The following GRM7 variants were observed in gnomAD, a reference collection of about 807,000 sequenced individuals.
The protein encoded by GRM7 is metabotropic glutamate receptor 7.
A neutral mutation model predicts 84.5 loss-of-function variants in GRM7; 35 were observed. That is an observed-to-expected ratio of 0.41 (90% CI 0.32 to 0.55). GRM7 has a LOEUF of 0.55. Among genes scored for constraint, GRM7 ranks in the 20% least tolerant of loss-of-function variants. The pLI, the probability that GRM7 is intolerant of heterozygous loss-of-function variation, is 0.19. For synonymous variants in GRM7, 487 were observed against 455.1 expected (o/e 1.07, Z -0.89); for missense variants, 1,003 against 1,194.6 (o/e 0.84, Z 2.36).
chr3:6,945,794 T>A (rs1218825643), intron 1 of GRM7, among the ~76,000 whole-genome samples: 1 of 152,340 alleles, frequency 6.6e-6, no homozygotes, highest in East Asian at 1.9e-4. Flanking sequence ...GGTTTTGATT[T>A]GCATTTCTCT....
intron 4 of GRM7, among the ~76,000 whole-genome samples, chr3:7,358,811 A>T (rs1470637247): frequency 6.6e-6 from 1 of 152,066 alleles, no homozygotes; most frequent in East Asian, 1.9e-4. Context: ...GTGTGTAAGT[A>T]TTTTATAAAC....
intron 1 of GRM7, among the ~76,000 whole-genome samples, chr3:7,135,691 A>T (rs1202620668): frequency 2.0e-5 from 3 of 152,146 alleles, no homozygotes; most frequent in Admixed American, 6.6e-5. Flanking sequence ...TATAATATAA[A>T]AAAATATACT....
intron 1 of GRM7, among the ~76,000 whole-genome samples, chr3:7,063,223 G>A (rs529051997): frequency 7.0e-4 from 106 of 151,774 alleles, no homozygotes; most frequent in African/African-American, 2.4e-3. Context: ...ATACCACATC[G>A]CCAATCCAAA....
chr3:7,434,346 T>C (rs973327198), intron 5 of GRM7, among the ~76,000 whole-genome samples: 1 of 152,208 alleles, frequency 6.6e-6, no homozygotes, highest in Non-Finnish European at 1.5e-5. Context: ...GAAGTAATAA[T>C]GGGAGTACCT....
intron 1 of GRM7, among the ~76,000 whole-genome samples, chr3:7,042,828 A>G (rs1696678005): frequency 6.6e-6 from 1 of 151,926 alleles, no homozygotes; most frequent in South Asian, 2.1e-4. Context: ...GTCATTTTTT[A>G]TGTCTGATAA....
At chr3:7,159,535 T>G (rs2125077299) in intron 2 of GRM7, among the ~76,000 whole-genome samples, 1 of 152,324 alleles carries the variant, frequency 6.6e-6, no homozygotes, top group East Asian at 1.9e-4. Flanking sequence ...TACCTGTTAT[T>G]CCTGCTTCCC....
chr3:7,162,363 G>A (rs547638800), intron 2 of GRM7, among the ~76,000 whole-genome samples: 3 of 152,106 alleles, frequency 2.0e-5, no homozygotes, highest in South Asian at 2.1e-4. Flanking sequence ...GCCTGAAGAC[G>A]TAGAAAGAAA....
chr3:7,027,998 A>G (rs771617049), intron 1 of GRM7, among the ~76,000 whole-genome samples: 2 of 152,158 alleles, frequency 1.3e-5, no homozygotes, highest in Non-Finnish European at 1.5e-5. Context: ...TAATGTAATG[A>G]CTGATAGTAA....
chr3:7,064,495 T>TAC, intron 1 of GRM7, among the ~76,000 whole-genome samples: 1 of 103,440 alleles, frequency 9.7e-6, no homozygotes, highest in Non-Finnish European at 1.9e-5. Context: ...CATATACATA[T>TAC]ATATATACAC....
At chr3:7,633,478 G>A (rs150328227) in intron 8 of GRM7, among the ~76,000 whole-genome samples, 4 of 152,198 alleles carry the variant, frequency 2.6e-5, no homozygotes, top group South Asian at 4.2e-4. Context: ...AAATAGGAGC[G>A]AGACGAACAA....
chr3:7,048,751 G>A (rs1171966419), intron 1 of GRM7, among the ~76,000 whole-genome samples: 1 of 151,908 alleles, frequency 6.6e-6, no homozygotes, highest in Non-Finnish European at 1.5e-5. Context: ...CTTAAAGTCT[G>A]TCTTGGCAAT....
intron 3 of GRM7, among the ~76,000 whole-genome samples, chr3:7,299,984 A>T (rs1224259344): frequency 3.3e-5 from 5 of 151,426 alleles, no homozygotes; most frequent in Admixed American, 2.6e-4. Flanking sequence ...ATGCAAATAT[A>T]CTTTTTATAT....
At chr3:7,490,248 A>G (rs958818185) in intron 7 of GRM7, among the ~76,000 whole-genome samples, 1 of 152,146 alleles carries the variant, frequency 6.6e-6, no homozygotes, top group Admixed American at 6.6e-5. Flanking sequence ...TTGGGGTAAC[A>G]TAGCCATCTG....
chr3:7,620,500 G>A (rs368823759), intron 8 of GRM7, among the ~76,000 whole-genome samples: 1 of 152,216 alleles, frequency 6.6e-6, no homozygotes, highest in East Asian at 1.9e-4. Flanking sequence ...GCTACACTGA[G>A]GAGAGTGAAA....
chr3:7,186,071 A>G (rs1695502971), intron 2 of GRM7, among the ~76,000 whole-genome samples: 1 of 152,212 alleles, frequency 6.6e-6, no homozygotes, highest in Non-Finnish European at 1.5e-5. Context: ...GCTGCTTAGC[A>G]TAGATATGTC....
At chr3:7,340,102 C>T (rs893524286) in intron 4 of GRM7, among the ~76,000 whole-genome samples, 2 of 152,054 alleles carry the variant, frequency 1.3e-5, no homozygotes, top group African/African-American at 2.4e-5. Context: ...ACATCACAGT[C>T]ACTAGGATAG....
At chr3:7,396,512 G>A (rs1429579608) in intron 4 of GRM7, among the ~76,000 whole-genome samples, 2 of 152,038 alleles carry the variant, frequency 1.3e-5, no homozygotes, top group Non-Finnish European at 2.9e-5. Context: ...GAAACATTCT[G>A]ATTTGCCCAT....
At chr3:7,653,031 T>A (rs2125116018) in intron 8 of GRM7, among the ~76,000 whole-genome samples, 1 of 152,078 alleles carries the variant, frequency 6.6e-6, no homozygotes, top group South Asian at 2.1e-4. Flanking sequence ...TGGCTAACAA[T>A]CTCACCGCCA....
intron 4 of GRM7, among the ~76,000 whole-genome samples, chr3:7,307,702 G>A (rs922767382): frequency 1.3e-5 from 2 of 152,182 alleles, no homozygotes; most frequent in Admixed American, 6.5e-5. Context: ...AGAAAAGATT[G>A]CCTATCTTAC....
Sources: gnomAD v4.1 joint callset for allele counts (sites outside exome capture counted in the v4.1 genomes callset) on GRCh38, gnomAD v4.1.1 for gene constraint, MANE v1.5 for transcripts, NCBI Gene and HGNC (gene_info 2026-07-23, HGNC 2026-07-21) for gene names.